CHRNE: variants seen among roughly 807,000 people sequenced by gnomAD.
CHRNE encodes acetylcholine receptor subunit epsilon.
A neutral mutation model predicts 56.5 loss-of-function variants in CHRNE; 58 were observed. That is an observed-to-expected ratio of 1.03 (90% confidence interval 0.83 to 1.28). The LOEUF is 1.28. Ranked by LOEUF, CHRNE falls within the 50% of genes most tolerant of loss-of-function variation. The pLI, the probability that CHRNE is intolerant of heterozygous loss-of-function variation, is 0.00. For missense variants in CHRNE, 793 were observed against 688.9 expected (o/e 1.15, Z -1.69); for synonymous variants, 385 against 297.9 (o/e 1.29, Z -3.01).
At position 4,902,582 on chromosome 17, in the gene CHRNE, TG is replaced by T. The variant is rs1486591656; in HGVS notation, c.189+38del. 6.2e-7 allele frequency: 1 copy of T among 1,613,564 alleles called. No homozygotes were observed. The highest frequency in any genetic ancestry group is 8.5e-7 in the Non-Finnish European group (1 of 1,179,900). ...AGAGCTCAGCGGTTGGGGCCAGAAGTGGGATTTTTGGCTTAAGATGAGGGTG... is the reference window on the plus strand; with the variant it reads ...AGAGCTCAGCGGTTGGGGCCAGAAGTGGATTTTTGGCTTAAGATGAGGGTG... On this transcript the variant is annotated intron_variant, in intron 2 of 11. Transcript: ENST00000649488. The surrounding 1 kb of genome is among the most constrained non-coding windows in gnomAD (Gnocchi z 4.0).
upstream of CHRNE, among the ~76,000 whole-genome samples, chr17:4,907,466 G>A (rs1318280582): frequency 3.3e-5 from 5 of 151,252 alleles, no homozygotes; most frequent in African/African-American, 1.2e-4. Context: ...TACTCGGGAG[G>A]CTGAGGCAGG....
In CHRNE at chr17:4,899,311, G is replaced by A. The variant is rs1487474998; in HGVS notation, c.1106C>T (p.Pro369Leu). 5.7e-6 allele frequency: 9 copies of A among 1,582,488 alleles called. No individual in the cohort carries two copies. The highest frequency in any genetic ancestry group is 1.7e-4 in the Middle Eastern group (1 of 5,792). ...PPEAPRAASP[P>L]RRASSVGLLL... ...TAAGCCCACCGACGACGCCCGCCTT[G>A]GGGGCGAGGCGGCCCGGGGGGCCTC... Residue 369 changes from proline to leucine, a missense_variant, in exon 10 of 12, where the codon CCA becomes CTA. Physicochemically the swap from Pro to Leu is moderately conservative, Grantham distance 98. Coordinates refer to ENST00000649488, the MANE Select transcript of CHRNE (RefSeq NM_000080.4).
chr17:4,904,183 T>G (rs561589928), upstream of CHRNE, among the ~76,000 whole-genome samples: 6 of 151,592 alleles, frequency 4.0e-5, no homozygotes, highest in African/African-American at 1.5e-4. Flanking sequence ...TTCTGTTTCT[T>G]TTTTTGTTTT....
chr17:4,901,836 A>C (rs1969996589), intron 5 of CHRNE, 96 bp downstream of exon 5: 1 of 1,553,966 alleles, frequency 6.4e-7, no homozygotes, highest in Non-Finnish European at 8.8e-7. Context: ...CTCCAGCGCG[A>C]AGCCCCGCCC....
rs112548629 is a variant in CHRNE at position 4,897,976 on chromosome 17, C to T, written c.*760G>A. The T allele has an allele frequency of 2.5e-5, 1 of 39,448 alleles. No individual in the cohort carries two copies. 2.4% of individuals were successfully genotyped at this position (39,448 alleles called of 1,614,324 possible). A position where few individuals can be genotyped will look rare whatever the true frequency, so the allele number is the denominator to read the frequency against. On this transcript the variant is annotated 3_prime_UTR_variant, in exon 12 of 12. Coordinates refer to ENST00000649488, the MANE Select transcript of CHRNE (RefSeq NM_000080.4). ...TATATAGTGTGAGCAGCAAGTAACC[C>T]TTCTCCCTCCCCCCCCACCCCTCCT...
Position 4,901,891 on chromosome 17 carries a change from C to CCCCCCG in CHRNE, c.500+40_500+41insCGGGGG, listed in dbSNP as rs367599263. 4.4e-5 allele frequency: 71 copies of CCCCCCG among 1,606,310 alleles called. No homozygotes were observed. In the African/African-American group the frequency reaches 7.4e-4, roughly 17 times the overall value. On this transcript the variant is annotated intron_variant, in intron 5 of 11. Coordinates refer to ENST00000649488, the MANE Select transcript of CHRNE (RefSeq NM_000080.4). ...TTGGCCCCGCCCCATAAGGCCCCCC[C>CCCCCCG]CCAACAATAATCGTCCGGGCCTCGG...
chr17:4,901,283 A>G, intron 6 of CHRNE, 93 bp from the exon 7 acceptor site: 1 of 1,421,148 alleles, frequency 7.0e-7, no homozygotes, highest in Admixed American at 1.8e-5. Flanking sequence ...TGTCTGCACC[A>G]GGGTCATGGG....
rs760738362 is a variant in CHRNE, at chr17:4,898,779, T to G, written c.1439A>C (p.Asn480Thr). Residue 480 changes from asparagine to threonine, a missense_variant, in exon 12 of 12, where the codon AAC becomes ACC. Asn to Thr is a moderately conservative substitution (Grantham distance 65). Coordinates refer to ENST00000649488, the MANE Select transcript of CHRNE (RefSeq NM_000080.4). ...CGCGTAGGGGAGATCAGGCACTCGGTTGAAGTAGGCCCCGAGGAAGATGAG... is the reference window on the plus strand; with the variant it reads ...CGCGTAGGGGAGATCAGGCACTCGGGTGAAGTAGGCCCCGAGGAAGATGAG... ...SSLIFLGAYF[N>T]RVPDLPYAPC... The G allele has an allele frequency of 1.2e-6, 2 of 1,609,920 alleles. No individual in the cohort carries two copies. The highest frequency in any genetic ancestry group is 4.5e-5 in the East Asian group (2 of 44,762).
rs1229501614 is a variant in CHRNE at position 4,902,265 on chromosome 17, C to T, written c.296G>A (p.Arg99Gln). The change falls in exon 4 of 12, where the codon CGA (arginine) becomes CAA (glutamine). Residue 99 changes from arginine to glutamine, a missense_variant. By Grantham distance (43) the Arg-to-Gln change is conservative. Transcript: ENST00000649488. This position sits in a 1 kb window ranked among gnomAD's most constrained non-coding sequence, Gnocchi z 4.0. ...KDDFGGIETL[R>Q]VPSELVWLPE... ...CAGCCACACGAGTTCTGAAGGGACT[C>T]GCAGGGTTTCTATACCCCCAAAGTC... The T allele has an allele frequency of 6.2e-7, 1 of 1,614,116 alleles. No individual in the cohort carries two copies. Among genetic ancestry groups the T allele is most frequent in the Admixed American group, 1.7e-5 (1 of 60,022 alleles).
upstream of CHRNE, among the ~76,000 whole-genome samples, chr17:4,907,448 G>A (rs1045393189): frequency 6.6e-6 from 1 of 150,524 alleles, no homozygotes; most frequent in African/African-American, 2.4e-5. Flanking sequence ...GGCGCCTGTA[G>A]TCCCAGCTAC....
chr17:4,901,886 C>CCG, intron 5 of CHRNE, 46 bp downstream of exon 5: 1 of 1,568,196 alleles, frequency 6.4e-7, no homozygotes, highest in Non-Finnish European at 8.7e-7. Context: ...CCCATAAGGC[C>CCG]CCCCCCCAAC....
rs1311970433 is a variant in CHRNE at position 4,900,517 on chromosome 17, G to C, written c.917+276C>G. ...ATCCCCGGAGAACCGGTGAGCTCAGGACACGGGGTGAGTTAGGGGCCAGAG... is the reference window on the plus strand; with the variant it reads ...ATCCCCGGAGAACCGGTGAGCTCAGCACACGGGGTGAGTTAGGGGCCAGAG... On this transcript the variant is annotated intron_variant, in intron 8 of 11. Transcript: ENST00000649488. The C allele has an allele frequency of 2.6e-6, 4 of 1,550,728 alleles. No homozygotes were observed. In the African/African-American group the frequency reaches 5.5e-5, roughly 21 times the overall value.
Position 4,899,843 on chromosome 17 carries a change from G to A in CHRNE, c.918-261C>T, listed in dbSNP as rs375052652. On this transcript the variant is annotated intron_variant, in intron 8 of 11. Coordinates refer to ENST00000649488, the MANE Select transcript of CHRNE (RefSeq NM_000080.4). ...GCTCCACCGAGGTGAGGCTACGCCCGCCAAGGGCTGCACCTCGAGACCTTC... is the reference window on the plus strand; with the variant it reads ...GCTCCACCGAGGTGAGGCTACGCCCACCAAGGGCTGCACCTCGAGACCTTC... The A allele has an allele frequency of 2.6e-6, 4 of 1,551,100 alleles. 1 individual carries two copies. Among genetic ancestry groups the A allele is most frequent in the African/African-American group, 2.7e-5 (2 of 73,156 alleles).
At position 4,899,386 on chromosome 17, in the gene CHRNE, T is replaced by TGGGGCA. The variant is rs761361955; in HGVS notation, c.1033-8_1033-3dup. ...GCGCGGCAGCAGCTCCAGGAGAACC[T>TGGGGCA]GGGGCAGGGGCGGGGCTTAGGGGAC... On this transcript the variant is annotated splice_polypyrimidine_tract_variant and splice_region_variant and intron_variant, in intron 9 of 11. Coordinates refer to ENST00000649488, the MANE Select transcript of CHRNE (RefSeq NM_000080.4). The TGGGGCA allele has an allele frequency of 3.3e-4, 505 of 1,533,890 alleles. No individual in the cohort carries two copies. The highest frequency in any genetic ancestry group is 3.2e-3 in the African/African-American group (233 of 72,790).
At position 4,901,892 on chromosome 17, in the gene CHRNE, C is replaced by G. The variant is rs200473812; in HGVS notation, c.500+40G>C. On this transcript the variant is annotated intron_variant, in intron 5 of 11. Coordinates refer to ENST00000649488, the MANE Select transcript of CHRNE (RefSeq NM_000080.4). ...TGGCCCCGCCCCATAAGGCCCCCCC[C>G]CAACAATAATCGTCCGGGCCTCGGA... The G allele has an allele frequency of 8.7e-4, 1,401 of 1,606,670 alleles. 10 individuals carry two copies. The highest frequency in any genetic ancestry group is 3.2e-3 in the South Asian group (289 of 90,860).
At chr17:4,901,813 C>T (rs1399159992) in intron 5 of CHRNE, 119 bp downstream of exon 5, 2 of 1,462,194 alleles carry the variant, frequency 1.4e-6, no homozygotes, top group East Asian at 2.3e-5. Context: ...CCAGTGCCTA[C>T]GCCTGGCTCC....
Position 4,902,410 on chromosome 17 carries a change from C to CG in CHRNE, c.234+39_234+40insC, listed in dbSNP as rs1970022325. The CG allele has an allele frequency of 6.2e-7, 1 of 1,613,952 alleles. No individual in the cohort carries two copies. Among genetic ancestry groups the CG allele is most frequent in the African/African-American group, 1.3e-5 (1 of 74,918 alleles). On this transcript the variant is annotated intron_variant, in intron 3 of 11. Transcript: ENST00000649488. This position sits in a 1 kb window ranked among gnomAD's most constrained non-coding sequence, Gnocchi z 4.0. ...GAGGGGTTTGGGGGAAAAGGGGTGC[C>CG]CTGGACAAGACCTCACACCATTCCC...
At chr17:4,908,513 G>A (rs546818237) in intron 1 of CHRNE, among the ~76,000 whole-genome samples, 7 of 152,142 alleles carry the variant, frequency 4.6e-5, no homozygotes, top group East Asian at 3.9e-4. Flanking sequence ...CTCAGCCACC[G>A]TCTTTGTCTA....
chr17:4,899,077 G>A lies in CHRNE; in HGVS notation c.1250C>T (p.Ala417Val), dbSNP rs768258598. Residue 417 changes from alanine (A) to valine (V), a missense_variant, in exon 11 of 12, where the codon GCC (alanine) becomes GTC (valine). By Grantham distance (64) the Ala-to-Val change is moderately conservative. Coordinates refer to ENST00000649488, the MANE Select transcript of CHRNE (RefSeq NM_000080.4). ...ATCCACACAGCAGCGGACCTCGGGGGCGGCGGCGCCCAGGCTCTGGCAGAA... is the reference window on the plus strand; with the variant it reads ...ATCCACACAGCAGCGGACCTCGGGGACGGCGGCGCCCAGGCTCTGGCAGAA... ...AAFCQSLGAA[A>V]PEVRCCVDAV... 19 of 1,611,268 alleles carry A rather than the reference G, an allele frequency of 1.2e-5. No individual in the cohort carries two copies. Among genetic ancestry groups the A allele is most frequent in the East Asian group, 2.2e-5 (1 of 44,858 alleles).
Sources: allele counts gnomAD v4.1 joint callset (sites outside exome capture counted in the v4.1 genomes callset), GRCh38; gene constraint gnomAD v4.1.1; non-coding constraint Gnocchi (gnomAD v3.1); transcripts MANE v1.5; gene names NCBI Gene and HGNC (gene_info 2026-07-23, HGNC 2026-07-21).